The following DNAH6 variants were observed in gnomAD, a reference collection of about 807,000 sequenced individuals.
The protein encoded by DNAH6 is dynein axonemal heavy chain 6.
DNAH6 carries 340 observed loss-of-function variants against 491.4 expected under a neutral mutation model. The ratio of observed to expected loss-of-function variants is 0.69; its 90% CI spans 0.63 to 0.76. DNAH6 has a LOEUF of 0.76. DNAH6 is among the 30% of genes least tolerant of loss of function. The pLI is 0.00. For synonymous variants in DNAH6, 1,603 were observed against 1,686.1 expected, an observed-to-expected ratio of 0.95 and a Z score of 1.21; for missense variants, 4,443 against 4,972.2, an observed-to-expected ratio of 0.89 and a Z score of 3.20.
intron 18 of DNAH6, among the ~76,000 whole-genome samples, chr2:84,601,070 G>GTTATTATTATACTATAA (rs1685197566): frequency 7.5e-6 from 1 of 132,926 alleles, no homozygotes; most frequent in African/African-American, 3.7e-5. Flanking sequence ...TATACTATAA[G>GTTATTATTATACTATAA]GAATCCTTGT....
In DNAH6 at chr2:84,624,594, C is replaced by G; in HGVS notation, c.4327C>G (p.Pro1443Ala). 1 of 1,551,292 alleles carries G rather than the reference C, an allele frequency of 6.4e-7. No individual in the cohort carries two copies. Among genetic ancestry groups the G allele is most frequent in the Non-Finnish European group, 8.7e-7 (1 of 1,146,850 alleles). The change falls in exon 28 of 77, where the codon CCA (proline) becomes GCA (alanine). Residue 1443 changes from proline to alanine, a missense_variant. Transcript: ENST00000389394. ...TYGYEYLGAC[P>A]RLVITPLTDR... Reference sequence around the variant, plus strand: ...TGGCTATGAATATTTGGGTGCATGCCCAAGATTGGTTATTACTCCACTCAC... The same window carrying G: ...TGGCTATGAATATTTGGGTGCATGCGCAAGATTGGTTATTACTCCACTCAC...
chr2:84,801,888 A>G (rs1443554129), intron 70 of DNAH6, among the ~76,000 whole-genome samples: 1 of 151,862 alleles, frequency 6.6e-6, no homozygotes, highest in Non-Finnish European at 1.5e-5. Context: ...TGAAAAAAAA[A>G]AAAAGAAAAG....
At position 84,531,354 on chromosome 2, in the gene DNAH6, A is replaced by AT. The variant is rs556848790; in HGVS notation, c.662+2202dup. Among the ~76,000 whole-genome samples, 120 of 6,106 alleles carry AT rather than the reference A, an allele frequency of 0.02. 55 individuals are homozygous for AT. In the East Asian group the frequency reaches 1, roughly 51 times the overall value. 4.0% of individuals were successfully genotyped at this position (6,106 alleles called of 152,430 possible). On this transcript the variant is annotated intron_variant, in intron 4 of 76. Transcript: ENST00000389394. The stretch of plus-strand genomic sequence containing the variant: ...TTTTTTTTATTTTTTATTTTTTTTT[A>AT]TTTTTTTTTTTTTTGAGACGGAGTC...
chr2:84,705,477 G>A lies in DNAH6; in HGVS notation c.8466-9G>A. 2 of 1,533,452 alleles carry A rather than the reference G, an allele frequency of 1.3e-6. No individual in the cohort carries two copies. The highest frequency in any genetic ancestry group is 2.1e-5 in the Admixed American group (1 of 47,606). 95.0% of individuals were successfully genotyped at this position (1,533,452 alleles called of 1,614,324 possible). On this transcript the variant is annotated splice_polypyrimidine_tract_variant and intron_variant, in intron 51 of 76. Coordinates refer to ENST00000389394, the MANE Select transcript of DNAH6 (RefSeq NM_001370.2). ...TCAGTGCCATTAATATATCATGTCT[G>A]TCTTTCAGGCCTGATTGGCCATCAG...
At chr2:84,510,403 C>T in the DNAH6 span, among the ~76,000 whole-genome samples, 6 of 152,284 alleles carry the variant, frequency 3.9e-5, no homozygotes, top group Admixed American at 2.0e-4. Context: ...ACGTAGTTCT[C>T]GTGCCTTGGT....
intron 45 of DNAH6, among the ~76,000 whole-genome samples, chr2:84,688,799 T>C (rs1694555791): frequency 6.6e-6 from 1 of 152,236 alleles, no homozygotes; most frequent in South Asian, 2.1e-4. Context: ...AGAGTCATTT[T>C]TTTGCTAAAT....
chr2:84,694,416 G>A lies in DNAH6; in HGVS notation c.7460G>A (p.Arg2487Lys). 6.4e-7 allele frequency: 1 copy of A among 1,552,274 alleles called. No homozygotes were observed. Residue 2487 changes from arginine to lysine, a missense_variant, in exon 46 of 77, where the codon AGG becomes AAG. Transcript: ENST00000389394. Reference protein sequence around the residue: ...YNYDSFHEDLRKLYKMAGVED... With the variant: ...YNYDSFHEDLKKLYKMAGVED... ...TATGATAGTTTTCATGAAGACCTGAGGAAGTTGTACAAAATGGCTGGTGTA... is the reference window on the plus strand; with the variant it reads ...TATGATAGTTTTCATGAAGACCTGAAGAAGTTGTACAAAATGGCTGGTGTA...
At chr2:84,515,410 A>G (rs1675524059), upstream of DNAH6, among the ~76,000 whole-genome samples, 1 of 152,180 alleles carries the variant, frequency 6.6e-6, no homozygotes, top group Non-Finnish European at 1.5e-5. Flanking sequence ...CAGTTCCCTT[A>G]CAAATCAAAT....
chr2:84,587,237 A>G (rs1012854413), intron 15 of DNAH6, among the ~76,000 whole-genome samples: 4 of 152,222 alleles, frequency 2.6e-5, no homozygotes, highest in East Asian at 1.9e-4. Context: ...TTAGTTTGCT[A>G]TGAATAATGG....
intron 59 of DNAH6, among the ~76,000 whole-genome samples, chr2:84,720,493 T>C (rs1283619947): frequency 6.6e-6 from 1 of 151,520 alleles, no homozygotes; most frequent in Non-Finnish European, 1.5e-5. Flanking sequence ...TTAGCTGGGA[T>C]GGTCTTGATC....
rs1439660999 is a variant in DNAH6, at chr2:84,525,574, A to G, written c.235A>G (p.Lys79Glu). ...TCTCTATTTCCCAAAGCCAGTGCTA[A>G]AAGTCTACCAAGATCATAAGCAGCC... Reference protein sequence around the residue: ...PIKLEPLPVLKVYQDHKQPEY... With the variant: ...PIKLEPLPVLEVYQDHKQPEY... Residue 79 changes from lysine (K) to glutamate (E), a missense_variant, in exon 3 of 77, where the codon AAA (lysine) becomes GAA (glutamate). Lys to Glu is a moderately conservative substitution (Grantham distance 56). Coordinates refer to ENST00000389394, the MANE Select transcript of DNAH6 (RefSeq NM_001370.2). The G allele has an allele frequency of 6.5e-7, 1 of 1,542,986 alleles. No homozygotes were observed. Among genetic ancestry groups the G allele is most frequent in the Non-Finnish European group, 8.7e-7 (1 of 1,144,460 alleles).
At position 84,584,168 on chromosome 2, in the gene DNAH6, G is replaced by C; in HGVS notation, c.2399G>C (p.Ser800Thr). 1.2e-6 allele frequency: 2 copies of C among 1,614,142 alleles called. No individual in the cohort carries two copies. Among genetic ancestry groups the C allele is most frequent in the Non-Finnish European group, 1.7e-6 (2 of 1,180,010 alleles). The change falls in exon 15 of 77, where the codon AGC becomes ACC. Residue 800 changes from serine to threonine, a missense_variant. Physicochemically the swap from Ser to Thr is moderately conservative, Grantham distance 58 (BLOSUM62 1). This residue lies in a region of DNAH6 where 2,977 missense variants were observed against 3,296.6 expected (regional missense o/e 0.90). Transcript: ENST00000389394. ...IDKSVGDRES[S>T]IKQFCVHLGS... ...AAATCAGTGGGTGATAGAGAATCAA[G>C]CATTAAGCAATTTTGTGTGCATTTG... is the stretch of plus-strand genomic sequence containing the variant.
chr2:84,544,710 A>G (rs938496467), intron 5 of DNAH6, among the ~76,000 whole-genome samples: 1 of 152,160 alleles, frequency 6.6e-6, no homozygotes, highest in Admixed American at 6.5e-5. Flanking sequence ...CAAAAGTATA[A>G]GAAGAGAGTT....
In DNAH6 at chr2:84,653,485, G is replaced by A; in HGVS notation, c.5245G>A (p.Val1749Ile). The A allele has an allele frequency of 6.4e-7, 1 of 1,551,286 alleles. No homozygotes were observed. The highest frequency in any genetic ancestry group is 2.0e-5 in the Admixed American group (1 of 50,974). Residue 1749 changes from valine to isoleucine, a missense_variant, in exon 34 of 77, where the codon GTT becomes ATT. Coordinates refer to ENST00000389394, the MANE Select transcript of DNAH6 (RefSeq NM_001370.2). ...TGAAACTATGCTAGTAAGGCATGGT[G>A]TTATGTTAGTCGGGCCAACAGGAGG... ...FYETMLVRHG[V>I]MLVGPTGGGK...
At chr2:84,523,234 T>C (rs759152281) in intron 2 of DNAH6, among the ~76,000 whole-genome samples, 3 of 152,142 alleles carry the variant, frequency 2.0e-5, no homozygotes, top group Non-Finnish European at 2.9e-5. Context: ...TTCTAGTTTA[T>C]GTGCATATGG....
At chr2:84,802,233 C>G (rs1162435361) in intron 70 of DNAH6, among the ~76,000 whole-genome samples, 1 of 152,100 alleles carries the variant, frequency 6.6e-6, no homozygotes. Context: ...ACATAAATGA[C>G]CTAAACATTC....
chr2:84,634,496 G>T lies in DNAH6; in HGVS notation c.4516-8G>T. 1 of 1,529,908 alleles carries T rather than the reference G, an allele frequency of 6.5e-7. No individual in the cohort carries two copies. Among genetic ancestry groups the T allele is most frequent in the East Asian group, 2.5e-5 (1 of 40,290 alleles). 94.8% of individuals were successfully genotyped at this position (1,529,908 alleles called of 1,614,324 possible). ...ATACAAAGTTGAACTGCTTTATTTT[G>T]ATTTCAGATGATGGGGCGCTTCTTC... On this transcript the variant is annotated splice_region_variant and splice_polypyrimidine_tract_variant and intron_variant, in intron 29 of 76. Transcript: ENST00000389394.
chr2:84,461,512 G>T, the DNAH6 span, among the ~76,000 whole-genome samples: 1 of 152,142 alleles, frequency 6.6e-6, no homozygotes, highest in African/African-American at 2.4e-5. Context: ...AAATCAGACA[G>T]GTCTGGGTTC....
Position 84,640,677 on chromosome 2 carries a change from T to C in DNAH6, c.4970+99T>C, listed in dbSNP as rs988301047. 5.1e-6 allele frequency: 6 copies of C among 1,185,592 alleles called. No individual in the cohort carries two copies. In the African/African-American group the frequency reaches 9.3e-5, roughly 18 times the overall value. 73.4% of individuals were successfully genotyped at this position (1,185,592 alleles called of 1,614,324 possible). A position where few individuals can be genotyped will look rare whatever the true frequency, so the allele number is the denominator to read the frequency against. ...AGGCTCTCAGAGAGTAACTGATTAA[T>C]AAATGTTGGCTGCTGCTGTTGTCAT... is the stretch of plus-strand genomic sequence containing the variant. On this transcript the variant is annotated intron_variant, in intron 32 of 76. Coordinates refer to ENST00000389394, the MANE Select transcript of DNAH6 (RefSeq NM_001370.2).
Sources: allele counts gnomAD v4.1 joint callset (sites outside exome capture counted in the v4.1 genomes callset), GRCh38; gene constraint gnomAD v4.1.1; regional missense constraint gnomAD v4.1.1; transcripts MANE v1.5; gene names NCBI Gene and HGNC (gene_info 2026-07-23, HGNC 2026-07-21).